CKAP2L: variants seen among roughly 807,000 people sequenced by gnomAD.
CKAP2L encodes the protein cytoskeleton-associated protein 2-like.
In CKAP2L, 42 loss-of-function variants were observed where a neutral mutation model predicts 65.7. That is an observed-to-expected ratio of 0.64 (90% CI 0.50 to 0.83). The LOEUF (loss-of-function observed/expected upper bound fraction) is 0.83, where lower values mean the gene tolerates loss of function less well. Among genes scored for constraint, CKAP2L ranks in the 40% least tolerant of loss-of-function variants. The probability of loss-of-function intolerance (pLI) is 0.00; values close to 1 mark genes in which losing one functional copy is unlikely to be tolerated. For missense variants in CKAP2L, 908 were observed against 871.0 expected (o/e 1.04, Z -0.53); for synonymous variants, 325 against 313.5 (o/e 1.04, Z -0.39).
At position 112,738,891 on chromosome 2, in the gene CKAP2L, T is replaced by C; in HGVS notation, c.2170A>G (p.Lys724Glu). Residue 724 changes from lysine to glutamate, a missense_variant, in exon 9 of 9, where the codon AAA becomes GAA. Transcript: ENST00000302450. ...LDELLEVEET[K>E]CFIFRRNEAL... ...TCATTTCTACGGAATATAAAACATT[T>C]TGTTTCTTCCACTTCTAACAGTTCA... is the stretch of plus-strand genomic sequence containing the variant. 1 of 1,614,150 alleles carries C rather than the reference T, an allele frequency of 6.2e-7. No individual in the cohort carries two copies. Among genetic ancestry groups the C allele is most frequent in the Non-Finnish European group, 8.5e-7 (1 of 1,179,990 alleles).
At chr2:112,755,332 G>T (rs1336294615) in intron 4 of CKAP2L, among the ~76,000 whole-genome samples, 1 of 152,146 alleles carries the variant, frequency 6.6e-6, no homozygotes, top group Non-Finnish European at 1.5e-5. Flanking sequence ...TAAAAACAGG[G>T]TTTCTCCATG....
chr2:112,762,596 A>C (rs1174129286), intron 1 of CKAP2L, 27 bp from the exon 2 acceptor site: 1 of 1,582,124 alleles, frequency 6.3e-7, no homozygotes, highest in Non-Finnish European at 8.7e-7. Flanking sequence ...CAAACAAACG[A>C]CATAACTTTA....
At chr2:112,744,645 C>T (rs1680143982) in intron 6 of CKAP2L, among the ~76,000 whole-genome samples, 1 of 152,222 alleles carries the variant, frequency 6.6e-6, no homozygotes, top group Non-Finnish European at 1.5e-5. Context: ...TCCCTGCTCT[C>T]TTCTCTCCCA....
chr2:112,749,339 T>TA (rs1680299058), intron 5 of CKAP2L, among the ~76,000 whole-genome samples: 1 of 152,118 alleles, frequency 6.6e-6, no homozygotes, highest in South Asian at 2.1e-4. Context: ...AACATAACTT[T>TA]AAAAAATAGA....
In CKAP2L at chr2:112,757,207, C is replaced by G; in HGVS notation, c.164G>C (p.Arg55Thr). 1.3e-6 allele frequency: 2 copies of G among 1,573,522 alleles called. No individual in the cohort carries two copies. Among genetic ancestry groups the G allele is most frequent in the Non-Finnish European group, 1.7e-6 (2 of 1,162,248 alleles). Residue 55 changes from arginine to threonine, a missense_variant, in exon 4 of 9, where the codon AGA becomes ACA. Arg to Thr is a moderately conservative substitution (Grantham distance 71). Coordinates refer to ENST00000302450, the MANE Select transcript of CKAP2L (RefSeq NM_152515.5). ...ATGGTTGGTAACATCATTTTTGGGT[C>G]TAATAGTCTGAAAAAACAAAGAAAA... is the stretch of plus-strand genomic sequence containing the variant. ...QNQPPSKSTI[R>T]PKNDVTNHVV...
chr2:112,762,712 G>C (rs1291463327), intron 1 of CKAP2L, 143 bp from the exon 2 acceptor site: 3 of 637,980 alleles, frequency 4.7e-6, no homozygotes, highest in Non-Finnish European at 8.5e-6. Flanking sequence ...CTATAAATGT[G>C]CCTTCAAGCT....
intron 7 of CKAP2L, among the ~76,000 whole-genome samples, chr2:112,741,996 G>T (rs1329557041): frequency 7.4e-6 from 1 of 134,526 alleles, no homozygotes; most frequent in Non-Finnish European, 1.5e-5. Flanking sequence ...CACCACGTTG[G>T]TCAGGCTGGT....
chr2:112,761,550 A>T (rs1163187267), intron 2 of CKAP2L, among the ~76,000 whole-genome samples: 3 of 143,568 alleles, frequency 2.1e-5, no homozygotes, highest in Non-Finnish European at 3.1e-5. Context: ...AAGAAATATT[A>T]AAAAAAAAAA....
At chr2:112,758,185 T>C (rs879547248) in intron 3 of CKAP2L, among the ~76,000 whole-genome samples, 15 of 152,178 alleles carry the variant, frequency 9.9e-5, no homozygotes, top group Non-Finnish European at 1.8e-4. Context: ...GTGATTTAAG[T>C]TTGGATAAGA....
At chr2:112,754,245 T>C (rs1418568169) in intron 4 of CKAP2L, among the ~76,000 whole-genome samples, 1 of 152,214 alleles carries the variant, frequency 6.6e-6, no homozygotes, top group Non-Finnish European at 1.5e-5. Context: ...TTTGTCTTTA[T>C]AGTTTTGGTT....
Position 112,738,563 on chromosome 2 carries a change from T to A in CKAP2L, c.*260A>T, listed in dbSNP as rs569182320. The stretch of plus-strand genomic sequence containing the variant: ...AGTAGATCAATAAAGTATAAATATT[T>A]ATCATAGTTGTAGGGTAAATATTCA... On this transcript the variant is annotated 3_prime_UTR_variant, in exon 9 of 9. Coordinates refer to ENST00000302450, the MANE Select transcript of CKAP2L (RefSeq NM_152515.5). The A allele has an allele frequency of 2.2e-6, 1 of 447,526 alleles. No individual in the cohort carries two copies. The highest frequency in any genetic ancestry group is 4.0e-6 in the Non-Finnish European group (1 of 250,774). The allele number at this position is 447,526 out of a possible 1,614,324, so 27.7% of individuals were successfully genotyped here.
chr2:112,755,653 A>T lies in CKAP2L; in HGVS notation c.1394+324T>A, dbSNP rs1028120742. Among the ~76,000 whole-genome samples the T allele has an allele frequency of 1.3e-5, 2 of 152,122 alleles. 1 individual carries two copies. Among genetic ancestry groups the T allele is most frequent in the South Asian group, 4.2e-4 (2 of 4,804 alleles). On this transcript the variant is annotated intron_variant, in intron 4 of 8. Coordinates refer to ENST00000302450, the MANE Select transcript of CKAP2L (RefSeq NM_152515.5). ...TCACTTATCTGCTCTATTGCTGTTC[A>T]GTCTAGCACGGCACTTATTGAACGA...
At chr2:112,758,855 C>T (rs2104888127) in intron 3 of CKAP2L, among the ~76,000 whole-genome samples, 1 of 152,226 alleles carries the variant, frequency 6.6e-6, no homozygotes, top group South Asian at 2.1e-4. Flanking sequence ...TATTCATCAC[C>T]CTAGAAAGAA....
chr2:112,755,934 T>C, intron 4 of CKAP2L, 43 bp downstream of exon 4: 1 of 1,514,190 alleles, frequency 6.6e-7, no homozygotes, highest in Non-Finnish European at 8.8e-7. Flanking sequence ...TCAATTTGCC[T>C]AATCATCTTA....
intron 8 of CKAP2L, 44 bp downstream of exon 8, chr2:112,740,767 TGGACTAG>T: frequency 1.4e-6 from 2 of 1,453,786 alleles, no homozygotes; most frequent in South Asian, 2.5e-5. Flanking sequence ...AATCGAGACT[TGGACTAG>T]AATTAAGTCT....
At chr2:112,751,344 A>G (rs937306014) in intron 5 of CKAP2L, among the ~76,000 whole-genome samples, 2 of 152,318 alleles carry the variant, frequency 1.3e-5, no homozygotes, top group East Asian at 3.9e-4. Context: ...ATTTCTCGAC[A>G]TACCTATACT....
At position 112,740,764 on chromosome 2, in the gene CKAP2L, A is replaced by T; in HGVS notation, c.2012+54T>A. Reference sequence around the variant, plus strand: ...CTAGATCTGTGAAGGAAAAATCGAGACTTGGACTAGAATTAAGTCTGTGAA... The same window carrying T: ...CTAGATCTGTGAAGGAAAAATCGAGTCTTGGACTAGAATTAAGTCTGTGAA... On this transcript the variant is annotated intron_variant, in intron 8 of 8. Coordinates refer to ENST00000302450, the MANE Select transcript of CKAP2L (RefSeq NM_152515.5). The T allele has an allele frequency of 2.8e-6, 4 of 1,437,150 alleles. No individual in the cohort carries two copies. In the South Asian group the frequency reaches 5.0e-5, roughly 18 times the overall value. 89.0% of individuals were successfully genotyped at this position (1,437,150 alleles called of 1,614,324 possible).
At chr2:112,763,369 T>G (rs1009135931) in intron 1 of CKAP2L, among the ~76,000 whole-genome samples, 1 of 152,106 alleles carries the variant, frequency 6.6e-6, no homozygotes, top group African/African-American at 2.4e-5. Flanking sequence ...CCACAAACCC[T>G]TATATGGCTT....
In CKAP2L at chr2:112,756,964, C is replaced by T; in HGVS notation, c.407G>A (p.Arg136Lys). ...TATATTAAGTGACCCCACAGGTTTT[C>T]TTGACAGTTCTCCTGTTGTGGACGA... is the stretch of plus-strand genomic sequence containing the variant. The part of the protein sequence containing the change: ...AGSSTTGELS[R>K]KPVGSLNIEQ... The change falls in exon 4 of 9, where the codon AGA becomes AAA. Residue 136 changes from arginine (R) to lysine (K), a missense_variant. By Grantham distance (26) the Arg-to-Lys change is conservative. Transcript: ENST00000302450. The T allele has an allele frequency of 6.2e-7, 1 of 1,614,210 alleles. No homozygotes were observed. Among genetic ancestry groups the T allele is most frequent in the Non-Finnish European group, 8.5e-7 (1 of 1,180,036 alleles).
Sources: gnomAD v4.1 joint callset for allele counts (sites outside exome capture counted in the v4.1 genomes callset) on GRCh38, gnomAD v4.1.1 for gene constraint, MANE v1.5 for transcripts, NCBI Gene and HGNC (gene_info 2026-07-23, HGNC 2026-07-21) for gene names.